Variants in CSMD3 observed in about 807,000 individuals in gnomAD.
CSMD3 encodes CUB and Sushi multiple domains 3, also known as CUB and sushi domain-containing protein 3.
A neutral mutation model predicts 435.2 loss-of-function variants in CSMD3; 177 were observed. The observed-to-expected ratio is 0.41, with a 90% CI of 0.36 to 0.46. The LOEUF (loss-of-function observed/expected upper bound fraction) is 0.46, where lower values mean the gene tolerates loss of function less well. Ranked by LOEUF, CSMD3 falls within the 20% of genes least tolerant of loss-of-function variation. The pLI, the probability that CSMD3 is intolerant of heterozygous loss-of-function variation, is 0.34. For synonymous variants in CSMD3, 1,656 were observed against 1,520.5 expected (o/e 1.09, Z -2.07); for missense variants, 4,265 against 4,504.6 (o/e 0.95, Z 1.52).
chr8:112,575,986 T>C (rs7841313), intron 23 of CSMD3, among the ~76,000 whole-genome samples: 38,432 of 151,908 alleles, frequency 0.25, 5,426 homozygotes, highest in African/African-American at 0.38. Context: ...CAAATAATAT[T>C]TTCCTTGTGT....
At chr8:113,406,221 A>T (rs1291828823) in intron 1 of CSMD3, among the ~76,000 whole-genome samples, 1 of 151,958 alleles carries the variant, frequency 6.6e-6, no homozygotes, top group Non-Finnish European at 1.5e-5. Flanking sequence ...AATTGTGTTC[A>T]GTTCTGATAC....
At chr8:112,747,934 G>A (rs1476021504) in intron 13 of CSMD3, among the ~76,000 whole-genome samples, 1 of 133,076 alleles carries the variant, frequency 7.5e-6, no homozygotes, top group Non-Finnish European at 1.5e-5. Flanking sequence ...CAGCACTCCC[G>A]CCTGGGCGAC....
Position 112,565,022 on chromosome 8 carries a change from A to G in CSMD3, c.4043-8068T>C, listed in dbSNP as rs1468994180. ...GTAAGTTTAAATTTACTAAACTTCTATGATGTGAAGGCTATGAAAATAATG... is the reference window on the plus strand; with the variant it reads ...GTAAGTTTAAATTTACTAAACTTCTGTGATGTGAAGGCTATGAAAATAATG... On this transcript the variant is annotated intron_variant, in intron 24 of 70. Transcript: ENST00000297405. 3.9e-5 allele frequency among the ~76,000 whole-genome samples: 6 copies of G among 152,088 alleles called. No homozygotes were observed. In the South Asian group the frequency reaches 1.0e-3, roughly 26 times the overall value.
intron 61 of CSMD3, among the ~76,000 whole-genome samples, chr8:112,257,150 T>C (rs1214659501): frequency 1.3e-5 from 2 of 152,122 alleles, no homozygotes; most frequent in African/African-American, 4.8e-5. Flanking sequence ...ACAGCCAATA[T>C]CATACTGAAT....
chr8:113,134,790 G>T (rs1055346245), intron 4 of CSMD3, among the ~76,000 whole-genome samples: 1 of 151,906 alleles, frequency 6.6e-6, no homozygotes, highest in Non-Finnish European at 1.5e-5. Context: ...TTTAAAAAGG[G>T]GTTTATTTAA....
At chr8:112,814,430 T>G (rs567214625) in intron 12 of CSMD3, among the ~76,000 whole-genome samples, 5 of 152,150 alleles carry the variant, frequency 3.3e-5, no homozygotes, top group Non-Finnish European at 7.3e-5. Flanking sequence ...GTCTTATCTT[T>G]ATGTAGATAT....
At chr8:112,932,800 T>C (rs2083156834) in intron 9 of CSMD3, among the ~76,000 whole-genome samples, 1 of 152,114 alleles carries the variant, frequency 6.6e-6, no homozygotes, top group South Asian at 2.1e-4. Context: ...AACAAGATAT[T>C]GTATATTTGC....
intron 3 of CSMD3, among the ~76,000 whole-genome samples, chr8:113,239,032 A>C (rs775034576): frequency 6.6e-6 from 1 of 152,108 alleles, no homozygotes; most frequent in Non-Finnish European, 1.5e-5. Context: ...TCTGTTGAAC[A>C]CTCAAATATA....
chr8:112,896,041 C>G (rs2081941290), intron 10 of CSMD3, among the ~76,000 whole-genome samples: 1 of 151,462 alleles, frequency 6.6e-6, no homozygotes, highest in Non-Finnish European at 1.5e-5. Context: ...CTTTGACACT[C>G]CTTCCATTGA....
At chr8:112,615,908 G>A (rs1478965406) in intron 22 of CSMD3, among the ~76,000 whole-genome samples, 1 of 152,072 alleles carries the variant, frequency 6.6e-6, no homozygotes, top group Non-Finnish European at 1.5e-5. Context: ...ACTTATCTCT[G>A]GAATTGAGAA....
chr8:112,595,373 C>G (rs1207071297), intron 22 of CSMD3, among the ~76,000 whole-genome samples: 1 of 137,936 alleles, frequency 7.2e-6, no homozygotes, highest in Non-Finnish European at 1.6e-5. Context: ...TGTGAAAAGA[C>G]CAAATCTACG....
chr8:112,433,250 T>TA (rs1813911372), intron 32 of CSMD3, among the ~76,000 whole-genome samples: 12 of 38,452 alleles, frequency 3.1e-4, no homozygotes, highest in Middle Eastern at 0.012. Flanking sequence ...AGGGCAGAAA[T>TA]AACAAAGAAA....
chr8:113,095,335 T>C (rs2090131340), intron 5 of CSMD3, among the ~76,000 whole-genome samples: 1 of 152,118 alleles, frequency 6.6e-6, no homozygotes, highest in Non-Finnish European at 1.5e-5. Context: ...TTTTAACCTA[T>C]TGTCCCAACA....
Position 113,121,711 on chromosome 8 carries a change from A to AC in CSMD3, c.710-22749dup, listed in dbSNP as rs1312171565. ...TAAAACATAGAAAAAATATTCTATC[A>AC]CACAGTTAGACAGCATTCACGTTCC... On this transcript the variant is annotated intron_variant, in intron 4 of 70. Transcript: ENST00000297405. Among the ~76,000 whole-genome samples the AC allele has an allele frequency of 9.9e-5, 15 of 152,234 alleles. No homozygotes were observed. The East Asian group carries it at 2.7e-3, about 27-fold the overall frequency.
chr8:112,603,436 T>C (rs1007664540), intron 22 of CSMD3, among the ~76,000 whole-genome samples: 1 of 152,204 alleles, frequency 6.6e-6, no homozygotes, highest in African/African-American at 2.4e-5. Flanking sequence ...CTCACCATAA[T>C]AGCAAAAAGA....
intron 40 of CSMD3, 131 bp downstream of exon 40, chr8:112,351,044 C>A: frequency 1.9e-6 from 1 of 527,142 alleles, no homozygotes. Flanking sequence ...TGGTAAAAGG[C>A]AAACTATATG....
intron 64 of CSMD3, among the ~76,000 whole-genome samples, chr8:112,245,252 T>C (rs976782123): frequency 2.0e-5 from 3 of 152,074 alleles, no homozygotes; most frequent in African/African-American, 7.2e-5. Flanking sequence ...GATTACACCA[T>C]ATCTTCCCCT....
intron 22 of CSMD3, 54 bp from the exon 23 acceptor site, chr8:112,587,289 T>C (rs1221106557): frequency 1.6e-6 from 2 of 1,264,328 alleles, no homozygotes; most frequent in African/African-American, 1.5e-5. Flanking sequence ...AGTATCATTT[T>C]CAAGCAATAT....
Position 112,573,603 on chromosome 8 carries a change from A to G in CSMD3, c.3940T>C (p.Ser1314Pro), listed in dbSNP as rs2131301908. Residue 1314 changes from serine (S) to proline (P), a missense_variant, in exon 24 of 71, where the codon TCT (serine) becomes CCT (proline). By Grantham distance (74) the Ser-to-Pro change is moderately conservative (BLOSUM62 -1). Coordinates refer to ENST00000297405, the MANE Select transcript of CSMD3 (RefSeq NM_198123.2). ...CTACTAAGTGTCAGTCCGCGCATAGATGCACCAGTAAAAGCACCTAGTAGA... is the reference window on the plus strand; with the variant it reads ...CTACTAAGTGTCAGTCCGCGCATAGGTGCACCAGTAAAAGCACCTAGTAGA... ...THLLGAFTGA[S>P]MRGLTLSSTS... 1.2e-6 allele frequency: 2 copies of G among 1,613,234 alleles called. No homozygotes were observed. The highest frequency in any genetic ancestry group is 1.7e-6 in the Non-Finnish European group (2 of 1,179,306).
Sources: allele counts gnomAD v4.1 joint callset (sites outside exome capture counted in the v4.1 genomes callset), GRCh38; gene constraint gnomAD v4.1.1; transcripts MANE v1.5; gene names NCBI Gene and HGNC (gene_info 2026-07-23, HGNC 2026-07-21).